The following SLAMF9 variants were observed in gnomAD, a reference collection of about 807,000 sequenced individuals.
The protein encoded by SLAMF9 is SLAM family member 9.
SLAMF9 carries 25 observed loss-of-function variants against 30.4 expected under a neutral mutation model. That is an observed-to-expected ratio of 0.82 (90% CI 0.60 to 1.15). The LOEUF (loss-of-function observed/expected upper bound fraction) is 1.15, where lower values mean the gene tolerates loss of function less well. SLAMF9 is among the 50% of genes most tolerant of loss of function. The pLI, the probability that SLAMF9 is intolerant of heterozygous loss-of-function variation, is 0.00. For missense variants in SLAMF9, 344 were observed against 346.1 expected, an observed-to-expected ratio of 0.99 and a Z score of 0.05; for synonymous variants, 129 against 127.2, an observed-to-expected ratio of 1.01 and a Z score of -0.09.
At chr1:159,952,649 C>T in intron 2 of SLAMF9, 115 bp from the exon 3 acceptor site, 1 of 1,150,800 alleles carries the variant, frequency 8.7e-7, no homozygotes, top group Non-Finnish European at 1.2e-6. Flanking sequence ...TGCACCTAAA[C>T]AACAAATAGG....
At chr1:159,979,512 A>G in the SLAMF9 span, among the ~76,000 whole-genome samples, 8 of 152,340 alleles carry the variant, frequency 5.3e-5, no homozygotes, top group Admixed American at 5.2e-4. Flanking sequence ...TTAGCATTTA[A>G]GCCAAGTGCT....
the SLAMF9 span, among the ~76,000 whole-genome samples, chr1:159,960,185 T>G: frequency 3.0e-5 from 3 of 98,444 alleles, no homozygotes; most frequent in Non-Finnish European, 5.6e-5. Context: ...CCCACAACAG[T>G]CCCCGGTGTG....
At chr1:159,966,598 CCTT>C in the SLAMF9 span, among the ~76,000 whole-genome samples, 2 of 152,150 alleles carry the variant, frequency 1.3e-5, no homozygotes, top group African/African-American at 4.8e-5. Context: ...ACAAGTGTTC[CCTT>C]TTTTCTGTGT....
the SLAMF9 span, among the ~76,000 whole-genome samples, chr1:159,978,067 C>T: frequency 5.3e-5 from 8 of 152,276 alleles, no homozygotes; most frequent in South Asian, 2.1e-4. Flanking sequence ...CCACCACTGC[C>T]CCACCCCACC....
chr1:159,958,927 G>C (rs1460869789), upstream of SLAMF9, among the ~76,000 whole-genome samples: 1 of 152,158 alleles, frequency 6.6e-6, no homozygotes, highest in East Asian at 1.9e-4. Context: ...TCTCGGTTTA[G>C]AAATGAGTAC....
chr1:159,980,661 C>T, the SLAMF9 span: 1 of 152,378 alleles, frequency 6.6e-6, no homozygotes, highest in African/African-American at 2.4e-5. Context: ...CCTGCCTCAG[C>T]CTCCTGAGTA....
At chr1:159,982,083 G>C in the SLAMF9 span, among the ~76,000 whole-genome samples, 4 of 152,188 alleles carry the variant, frequency 2.6e-5, no homozygotes, top group African/African-American at 9.7e-5. Flanking sequence ...AAATCTGGCT[G>C]CCCCTAGTTG....
chr1:159,960,398 A>T, the SLAMF9 span, among the ~76,000 whole-genome samples: 1 of 150,004 alleles, frequency 6.7e-6, no homozygotes, highest in African/African-American at 2.5e-5. Flanking sequence ...TTCATGATGG[A>T]GTGCCCCATG....
chr1:159,964,509 G>T, the SLAMF9 span, among the ~76,000 whole-genome samples: 1 of 152,162 alleles, frequency 6.6e-6, no homozygotes, highest in East Asian at 1.9e-4. Flanking sequence ...TTCTGATGCA[G>T]AACTTGTTTG....
At chr1:159,979,932 A>G in the SLAMF9 span, among the ~76,000 whole-genome samples, 2 of 152,164 alleles carry the variant, frequency 1.3e-5, no homozygotes, top group African/African-American at 4.8e-5. Context: ...TACATGAAGG[A>G]ACTGGCTCAG....
chr1:159,953,154 G>T (rs543166681), intron 2 of SLAMF9, among the ~76,000 whole-genome samples, 155 bp downstream of exon 2: 29 of 152,226 alleles, frequency 1.9e-4, no homozygotes, highest in African/African-American at 7.0e-4. Flanking sequence ...CAGGTGGATT[G>T]GGCACACTCA....
chr1:159,960,916 C>T, the SLAMF9 span, among the ~76,000 whole-genome samples: 2 of 152,200 alleles, frequency 1.3e-5, no homozygotes, highest in Non-Finnish European at 2.9e-5. Context: ...GAGGCATGTT[C>T]TCCCTGGTTC....
At chr1:159,960,010 T>TTATATATATATA in the SLAMF9 span, among the ~76,000 whole-genome samples, 2 of 148,346 alleles carry the variant, frequency 1.3e-5, no homozygotes, top group South Asian at 4.3e-4. Context: ...CCTGACTTCT[T>TTATATATATATA]TATATATATA....
upstream of SLAMF9, among the ~76,000 whole-genome samples, chr1:159,957,121 C>CA (rs55697835): frequency 0.86 from 62,709 of 73,130 alleles, 26,891 homozygotes; most frequent in East Asian, 0.94. Flanking sequence ...GACTCTGTCT[C>CA]AAAAAAAAAA....
the SLAMF9 span, among the ~76,000 whole-genome samples, chr1:159,981,884 AC>A: frequency 6.6e-6 from 1 of 152,224 alleles, no homozygotes; most frequent in African/African-American, 2.4e-5. Flanking sequence ...CTGGAGCTGC[AC>A]CACAGTTTGA....
chr1:159,960,461 CTTTTT>C, the SLAMF9 span, among the ~76,000 whole-genome samples: 2 of 130,776 alleles, frequency 1.5e-5, no homozygotes, highest in Non-Finnish European at 1.6e-5. Flanking sequence ...CTCTGATGAT[CTTTTT>C]TTTTTTTTTT....
Position 159,951,516 on chromosome 1 carries a change from T to C in SLAMF9, c.*145A>G, listed in dbSNP as rs1651738882. ...GTTGTGGTCACTTAATTTGACTTTATTGCCAGCCAGTCTTCCCTCAGAAGT... is the reference window on the plus strand; with the variant it reads ...GTTGTGGTCACTTAATTTGACTTTACTGCCAGCCAGTCTTCCCTCAGAAGT... On this transcript the variant is annotated 3_prime_UTR_variant, in exon 4 of 4. Transcript: ENST00000368093. 1.4e-6 allele frequency: 1 copy of C among 706,726 alleles called. No homozygotes were observed. Among genetic ancestry groups the C allele is most frequent in the Non-Finnish European group, 2.3e-6 (1 of 428,424 alleles). 43.8% of individuals were successfully genotyped at this position (706,726 alleles called of 1,614,324 possible).
At chr1:159,967,640 G>A in the SLAMF9 span, among the ~76,000 whole-genome samples, 2 of 152,138 alleles carry the variant, frequency 1.3e-5, no homozygotes, top group African/African-American at 4.8e-5. Context: ...CGCGAAGAGT[G>A]GCATTGGAAT....
upstream of SLAMF9, among the ~76,000 whole-genome samples, chr1:159,957,820 A>T (rs963397275): frequency 1.3e-5 from 2 of 152,158 alleles, no homozygotes; most frequent in Non-Finnish European, 2.9e-5. Context: ...AAAAGCAAGG[A>T]AAGAAAAGAA....
Sources: allele counts gnomAD v4.1 joint callset (sites outside exome capture counted in the v4.1 genomes callset), GRCh38; gene constraint gnomAD v4.1.1; transcripts MANE v1.5; gene names NCBI Gene and HGNC (gene_info 2026-07-23, HGNC 2026-07-21).